The following LNPEP variants were observed in gnomAD, a reference collection of about 807,000 sequenced individuals.
The protein encoded by LNPEP is leucyl and cystinyl aminopeptidase, also known as leucyl-cystinyl aminopeptidase.
A neutral mutation model predicts 120.6 loss-of-function variants in LNPEP; 64 were observed. The observed-to-expected ratio is 0.53, with a 90% confidence interval of 0.43 to 0.65. LNPEP has a LOEUF of 0.65. Among genes scored for constraint, LNPEP ranks in the 30% least tolerant of loss-of-function variants. The pLI is 0.00. For synonymous variants in LNPEP, 435 were observed against 425.4 expected (o/e 1.02, Z -0.28); for missense variants, 1,057 against 1,200.0 (o/e 0.88, Z 1.76).
At position 96,979,371 on chromosome 5, in the gene LNPEP, A is replaced by G; in HGVS notation, c.253A>G (p.Ser85Gly). The part of the protein sequence containing the change: ...KLLGMSFMNR[S>G]SGLRNSATGY... The stretch of plus-strand genomic sequence containing the variant: ...GCTGGGCATGTCCTTCATGAATAGA[A>G]GCTCAGGCCTTCGGAACAGTGCAAC... Residue 85 changes from serine (S) to glycine (G), a missense_variant, in exon 2 of 18, where the codon AGC (serine) becomes GGC (glycine). Transcript: ENST00000231368. 1 of 1,614,088 alleles carries G rather than the reference A, an allele frequency of 6.2e-7. No individual in the cohort carries two copies. The highest frequency in any genetic ancestry group is 8.5e-7 in the Non-Finnish European group (1 of 1,179,964).
At chr5:97,010,938 CTCTG>C (rs1299447723) in intron 11 of LNPEP, 10 of 985,232 alleles carry the variant, frequency 1.0e-5, no homozygotes, top group African/African-American at 3.5e-5. Flanking sequence ...TAAATGATAA[CTCTG>C]TCTGTCTTTG....
At chr5:97,011,271 GC>G (rs1307616452) in intron 11 of LNPEP, 3 of 844,972 alleles carry the variant, frequency 3.6e-6, no homozygotes, top group Non-Finnish European at 4.3e-6. Flanking sequence ...TGTCACCCAG[GC>G]TAAGGTACAG....
chr5:96,954,770 ATATTT>A (rs1292603273), intron 1 of LNPEP, among the ~76,000 whole-genome samples: 362 of 29,484 alleles, frequency 0.012, 70 homozygotes, highest in African/African-American at 0.036. Flanking sequence ...ATATATATAT[ATATTT>A]TTTTTTTTTT....
chr5:96,993,724 GC>G (rs1056891021), intron 5 of LNPEP, 92 bp from the exon 6 acceptor site: 11 of 1,150,342 alleles, frequency 9.6e-6, no homozygotes, highest in Non-Finnish European at 1.4e-5. Context: ...AGAATTCATT[GC>G]TTTCACAGTG....
At chr5:96,971,135 G>A (rs1226973625) in intron 1 of LNPEP, among the ~76,000 whole-genome samples, 11 of 151,922 alleles carry the variant, frequency 7.2e-5, no homozygotes, top group Non-Finnish European at 1.3e-4. Flanking sequence ...TATTTTCACT[G>A]TATGTGCAAA....
At chr5:96,989,394 T>TATTATATATTATATATAATATATA (rs1256472711) in intron 4 of LNPEP, among the ~76,000 whole-genome samples, 5 of 28,514 alleles carry the variant, frequency 1.8e-4, no homozygotes, top group Non-Finnish European at 2.9e-4. Flanking sequence ...ATATACAATA[T>TATTATATATTATATATAATATATA]ATTATATATT....
intron 1 of LNPEP, among the ~76,000 whole-genome samples, chr5:96,951,770 T>C (rs994783407): frequency 7.3e-5 from 11 of 150,134 alleles, no homozygotes; most frequent in Non-Finnish European, 1.3e-4. Flanking sequence ...TTTTTTTTTT[T>C]CTGGACACAG....
chr5:96,953,144 T>C (rs528808003), intron 1 of LNPEP, among the ~76,000 whole-genome samples: 14 of 121,434 alleles, frequency 1.2e-4, no homozygotes, highest in African/African-American at 3.8e-4. Flanking sequence ...CTGGAACAGA[T>C]GGTTAATCTA....
intron 8 of LNPEP, among the ~76,000 whole-genome samples, chr5:96,999,873 A>G (rs1041428815): frequency 6.6e-6 from 1 of 151,828 alleles, no homozygotes; most frequent in Non-Finnish European, 1.5e-5. Flanking sequence ...GCAAGAAGGT[A>G]AGCACCAGCA....
At chr5:96,998,727 A>C (rs1478473747) in intron 8 of LNPEP, among the ~76,000 whole-genome samples, 1 of 152,182 alleles carries the variant, frequency 6.6e-6, no homozygotes, top group African/African-American at 2.4e-5. Flanking sequence ...GATAGAGAAG[A>C]AAATACACAA....
Position 97,024,616 on chromosome 5 carries a change from C to T in LNPEP, c.2657C>T (p.Ser886Phe). The T allele has an allele frequency of 6.2e-7, 1 of 1,614,058 alleles. No homozygotes were observed. The highest frequency in any genetic ancestry group is 8.5e-7 in the Non-Finnish European group (1 of 1,179,958). The change falls in exon 15 of 18, where the codon TCT (serine) becomes TTT (phenylalanine). Residue 886 changes from serine to phenylalanine, a missense_variant. Ser to Phe is a radical substitution (Grantham distance 155). Transcript: ENST00000231368. The stretch of plus-strand genomic sequence containing the variant: ...TTGGGCAAATACATTTCTATAGGCT[C>T]TGAAGCAGAGAAGAACAAAATACTA... ...FLLGKYISIGSEAEKNKILEA... is the reference protein window; with the variant it reads ...FLLGKYISIGFEAEKNKILEA...
chr5:97,024,796 C>A (rs1791300035), intron 15 of LNPEP, 114 bp downstream of exon 15: 2 of 937,976 alleles, frequency 2.1e-6, no homozygotes, highest in Middle Eastern at 2.5e-4. Context: ...TGTTACAGGC[C>A]AGGCCTAAGT....
intron 10 of LNPEP, 79 bp downstream of exon 10, chr5:97,006,312 G>C: frequency 1.5e-6 from 2 of 1,366,750 alleles, no homozygotes; most frequent in Non-Finnish European, 2.0e-6. Context: ...ATAATCATAA[G>C]TTCTTGTGAA....
At chr5:96,958,969 G>T (rs1424850406) in intron 1 of LNPEP, among the ~76,000 whole-genome samples, 1 of 151,790 alleles carries the variant, frequency 6.6e-6, no homozygotes, top group Non-Finnish European at 1.5e-5. Context: ...GGGATTACAG[G>T]CACCGGCCAC....
chr5:96,963,647 T>C (rs112411386), intron 1 of LNPEP, among the ~76,000 whole-genome samples: 1 of 152,182 alleles, frequency 6.6e-6, no homozygotes, highest in Non-Finnish European at 1.5e-5. Flanking sequence ...TCTGCTGCAT[T>C]CCATTGATTA....
intron 1 of LNPEP, among the ~76,000 whole-genome samples, chr5:96,953,824 G>A (rs553368227): frequency 2.6e-5 from 4 of 152,148 alleles, no homozygotes; most frequent in Non-Finnish European, 5.9e-5. Flanking sequence ...TTTTACTCCA[G>A]ATGTGTTGAT....
intron 11 of LNPEP, among the ~76,000 whole-genome samples, chr5:97,007,243 C>G (rs1329819091): frequency 6.6e-6 from 1 of 152,080 alleles, no homozygotes; most frequent in Admixed American, 6.5e-5. Context: ...GAATTTGGAT[C>G]TGGTGTCAAA....
rs1790248486 is a variant in LNPEP, at chr5:96,986,532, C to T, written c.1000-7C>T. 1.2e-6 allele frequency: 2 copies of T among 1,610,706 alleles called. No individual in the cohort carries two copies. Among genetic ancestry groups the T allele is most frequent in the Non-Finnish European group, 1.7e-6 (2 of 1,177,974 alleles). On this transcript the variant is annotated splice_polypyrimidine_tract_variant and splice_region_variant and intron_variant, in intron 3 of 17. Coordinates refer to ENST00000231368, the MANE Select transcript of LNPEP (RefSeq NM_005575.3). ...TTACAGAACTGTCTTTTCCCCTTTGCTTGTAGAAGTCATCAGTCGTTCTAG... is the reference window on the plus strand; with the variant it reads ...TTACAGAACTGTCTTTTCCCCTTTGTTTGTAGAAGTCATCAGTCGTTCTAG...
chr5:97,009,582 A>G (rs1429952372), intron 11 of LNPEP, among the ~76,000 whole-genome samples: 4 of 152,344 alleles, frequency 2.6e-5, no homozygotes, highest in African/African-American at 9.6e-5. Context: ...AATATACAAA[A>G]TTCACTAGAA....
Sources: gnomAD v4.1 joint callset for allele counts (sites outside exome capture counted in the v4.1 genomes callset) on GRCh38, gnomAD v4.1.1 for gene constraint, MANE v1.5 for transcripts, NCBI Gene and HGNC (gene_info 2026-07-23, HGNC 2026-07-21) for gene names.